Variants in PPP2R2B observed in about 807,000 individuals in gnomAD.
PPP2R2B encodes protein phosphatase 2 regulatory subunit Bbeta.
In PPP2R2B, 5 loss-of-function variants were observed where a neutral mutation model predicts 46.0. That is an observed-to-expected ratio of 0.11 (90% CI 0.06 to 0.23). PPP2R2B has a LOEUF of 0.23. Ranked by LOEUF, PPP2R2B falls within the 10% of genes least tolerant of loss-of-function variation. The probability of loss-of-function intolerance (pLI) is 1.00; values close to 1 mark genes in which losing one functional copy is unlikely to be tolerated. For missense variants in PPP2R2B, 367 were observed against 575.0 expected (o/e 0.64, Z 3.70); for synonymous variants, 215 against 206.7 (o/e 1.04, Z -0.34).
chr5:146,938,751 C>CTT lies in PPP2R2B; in HGVS notation c.79+116912_79+116913dup, dbSNP rs33961672. 4.2e-3 allele frequency among the ~76,000 whole-genome samples: 275 copies of CTT among 65,982 alleles called. 54 individuals are homozygous for CTT. The highest frequency in any genetic ancestry group is 5.5e-3 in the Non-Finnish European group (206 of 37,744). The allele number at this position is 65,982 out of a possible 152,430, so 43.3% of individuals were successfully genotyped here. ...GGAAAACTACTGGTTAGATAATAGC[C>CTT]TTTTTTTTTTTTTTTTTTTTTTTTT... On this transcript the variant is annotated intron_variant, in intron 1 of 8. Transcript: ENST00000336640.
intron 1 of PPP2R2B, among the ~76,000 whole-genome samples, chr5:146,930,373 A>C (rs1284481090): frequency 1.3e-5 from 2 of 152,208 alleles, no homozygotes; most frequent in African/African-American, 4.8e-5. Flanking sequence ...CTGGAGAAAA[A>C]TAGCATTTTT....
In PPP2R2B at chr5:146,961,072, G is replaced by T. The variant is rs1003948271; in HGVS notation, c.79+94593C>A. Among the ~76,000 whole-genome samples, 14 of 152,092 alleles carry T rather than the reference G, an allele frequency of 9.2e-5. 1 individual carries two copies. Among genetic ancestry groups the T allele is most frequent in the Admixed American group, 2.0e-4 (3 of 15,266 alleles). On this transcript the variant is annotated intron_variant, in intron 1 of 8. Transcript: ENST00000336640. Reference sequence around the variant, plus strand: ...ATTGTTATTACCATTGTTGTTTAAAGAAATATTACCTTAGTTGTATAATTT... The same window carrying T: ...ATTGTTATTACCATTGTTGTTTAAATAAATATTACCTTAGTTGTATAATTT...
At chr5:146,797,411 T>A (rs1040871060) in intron 2 of PPP2R2B, among the ~76,000 whole-genome samples, 3 of 152,226 alleles carry the variant, frequency 2.0e-5, no homozygotes, top group African/African-American at 7.2e-5. Flanking sequence ...AGTGAGTCCA[T>A]GTATCCTGAA....
intron 2 of PPP2R2B, among the ~76,000 whole-genome samples, chr5:146,809,425 G>C (rs1202138519): frequency 6.6e-6 from 1 of 151,900 alleles, no homozygotes; most frequent in Non-Finnish European, 1.5e-5. Flanking sequence ...GAGGAAGGTA[G>C]GTATTTAATC....
intron 1 of PPP2R2B, among the ~76,000 whole-genome samples, chr5:146,967,018 T>C (rs1347125006): frequency 1.3e-5 from 2 of 152,218 alleles, no homozygotes; most frequent in South Asian, 2.1e-4. Context: ...ATCCTTCTTA[T>C]AGTTTCACCT....
intron 1 of PPP2R2B, among the ~76,000 whole-genome samples, chr5:146,898,158 C>A (rs927530924): frequency 6.6e-6 from 1 of 152,172 alleles, no homozygotes; most frequent in Non-Finnish European, 1.5e-5. Flanking sequence ...GCATTCCAGC[C>A]TGGGCGACAA....
intron 1 of PPP2R2B, among the ~76,000 whole-genome samples, chr5:146,915,204 T>C (rs1268948607): frequency 6.6e-6 from 1 of 152,154 alleles, no homozygotes; most frequent in Non-Finnish European, 1.5e-5. Flanking sequence ...TCTTGAAATT[T>C]GCTGTACTCT....
At chr5:146,634,683 C>T (rs1170111696) in intron 7 of PPP2R2B, among the ~76,000 whole-genome samples, 1 of 152,018 alleles carries the variant, frequency 6.6e-6, no homozygotes, top group African/African-American at 2.4e-5. Context: ...CCTGGGTCTT[C>T]AGCTTGCTGG....
chr5:146,782,785 T>A (rs1755608844), intron 2 of PPP2R2B, among the ~76,000 whole-genome samples: 1 of 147,730 alleles, frequency 6.8e-6, no homozygotes, highest in Non-Finnish European at 1.5e-5. Context: ...TTGAACTTAA[T>A]TGAAGGGTGA....
At chr5:146,641,210 G>A (rs1220267876) in intron 6 of PPP2R2B, among the ~76,000 whole-genome samples, 1 of 152,068 alleles carries the variant, frequency 6.6e-6, no homozygotes, top group Non-Finnish European at 1.5e-5. Context: ...ACAGCCGAGG[G>A]AACTCAGATA....
chr5:146,664,132 G>A (rs1387105363), intron 5 of PPP2R2B, among the ~76,000 whole-genome samples: 2 of 152,126 alleles, frequency 1.3e-5, no homozygotes, highest in Non-Finnish European at 2.9e-5. Flanking sequence ...GAGCCACCGC[G>A]CCTGGCTGGC....
intron 2 of PPP2R2B, among the ~76,000 whole-genome samples, chr5:146,726,061 T>C (rs1249353158): frequency 3.3e-5 from 5 of 152,174 alleles, no homozygotes; most frequent in South Asian, 2.1e-4. Context: ...GTTTTGATAG[T>C]CAGTCCTACC....
chr5:146,960,976 C>A (rs549106667), intron 1 of PPP2R2B, among the ~76,000 whole-genome samples: 1 of 152,078 alleles, frequency 6.6e-6, no homozygotes, highest in Non-Finnish European at 1.5e-5. Flanking sequence ...TTCATCCCAC[C>A]GGAGTCAACC....
chr5:146,678,586 A>G (rs1277211985), intron 5 of PPP2R2B, among the ~76,000 whole-genome samples: 1 of 137,578 alleles, frequency 7.3e-6, no homozygotes. Context: ...TCAATTAGGA[A>G]AAGAGGAAGT....
intron 1 of PPP2R2B, among the ~76,000 whole-genome samples, chr5:146,939,112 T>C (rs1764246634): frequency 6.6e-6 from 1 of 152,138 alleles, no homozygotes; most frequent in Non-Finnish European, 1.5e-5. Context: ...TGAAGTAGGC[T>C]CCTGAATCTT....
At chr5:146,882,490 TTA>T (rs1248306205), upstream of PPP2R2B, among the ~76,000 whole-genome samples, 1 of 152,216 alleles carries the variant, frequency 6.6e-6, no homozygotes, top group African/African-American at 2.4e-5. Flanking sequence ...CTCAAGCAAG[TTA>T]CAAGATCTCC....
chr5:146,878,568 G>T lies in PPP2R2B; in HGVS notation c.-125+23C>A. 8.0e-7 allele frequency: 1 copy of T among 1,248,796 alleles called. No individual in the cohort carries two copies. The allele number at this position is 1,248,796 out of a possible 1,614,324, so 77.4% of individuals were successfully genotyped here. ...GGACCCGAGCTGCAGTGGCGAGATG[G>T]CAGGGACAGGATTCAGGCTTGCCTG... On this transcript the variant is annotated intron_variant, in intron 1 of 9. Coordinates refer to ENST00000394411, the MANE Select transcript of PPP2R2B (RefSeq NM_181675.4). This position sits in a 1 kb window ranked among gnomAD's most constrained non-coding sequence, Gnocchi z 4.5.
chr5:146,803,253 T>C (rs1441992005), intron 2 of PPP2R2B, among the ~76,000 whole-genome samples: 2 of 152,150 alleles, frequency 1.3e-5, no homozygotes, highest in Non-Finnish European at 2.9e-5. Flanking sequence ...CCACATTTTG[T>C]ATTTCTCAGT....
At chr5:146,926,042 ACTTTT>A (rs555388229) in intron 1 of PPP2R2B, among the ~76,000 whole-genome samples, 29 of 152,170 alleles carry the variant, frequency 1.9e-4, no homozygotes, top group African/African-American at 6.7e-4. Flanking sequence ...TTGTTACCCC[ACTTTT>A]CTTTAATTCT....
Sources: gnomAD v4.1 joint callset for allele counts (sites outside exome capture counted in the v4.1 genomes callset) on GRCh38, gnomAD v4.1.1 for gene constraint, Gnocchi (gnomAD v3.1) non-coding constraint, MANE v1.5 for transcripts, NCBI Gene and HGNC (gene_info 2026-07-23, HGNC 2026-07-21) for gene names.